Variants in R3HDM1 observed in about 807,000 individuals in gnomAD.
R3HDM1 encodes the protein R3H domain containing 1, also known as R3H domain-containing protein 1.
In R3HDM1, 46 loss-of-function variants were observed where a neutral mutation model predicts 141.1. That is an observed-to-expected ratio of 0.33 (90% CI 0.26 to 0.42). The LOEUF is 0.42. Ranked by LOEUF, R3HDM1 falls within the 10% of genes least tolerant of loss-of-function variation. The pLI, the probability that R3HDM1 is intolerant of heterozygous loss-of-function variation, is 1.00. For synonymous variants in R3HDM1, 435 were observed against 472.9 expected, an observed-to-expected ratio of 0.92 and a Z score of 1.04; for missense variants, 1,184 against 1,368.3, an observed-to-expected ratio of 0.87 and a Z score of 2.12.
chr2:135,661,037 A>G (rs1350071189), intron 18 of R3HDM1, among the ~76,000 whole-genome samples: 2 of 152,196 alleles, frequency 1.3e-5, no homozygotes, highest in South Asian at 2.1e-4. Flanking sequence ...AGAGAGCTGA[A>G]GCAAATATGG....
rs531418828 is a variant in R3HDM1, at chr2:135,591,763, A to T, written c.-249-10737A>T. 2.6e-5 allele frequency among the ~76,000 whole-genome samples: 4 copies of T among 152,322 alleles called. No individual in the cohort carries two copies. The South Asian group carries it at 8.3e-4, about 32-fold the overall frequency. ...AAATTTGGAGGTTCCCTCAGACTTA[A>T]TTGACTAGAATAACTCAAATTACAC... On this transcript the variant is annotated intron_variant, in intron 1 of 26. Coordinates refer to ENST00000683871, the MANE Select transcript of R3HDM1 (RefSeq NM_001378107.1).
chr2:135,671,796 T>C (rs62168795), intron 19 of R3HDM1, among the ~76,000 whole-genome samples: 91,340 of 151,496 alleles, frequency 0.6, 32,950 homozygotes, highest in East Asian at 1. Flanking sequence ...GCCAACATGG[T>C]GAAACCCTGT....
In R3HDM1 at chr2:135,532,601, A is replaced by G. The variant is rs1441654069; in HGVS notation, c.-250+968A>G. Among the ~76,000 whole-genome samples, 4 of 152,156 alleles carry G rather than the reference A, an allele frequency of 2.6e-5. No individual in the cohort carries two copies. The South Asian group carries it at 6.2e-4, about 24-fold the overall frequency. Reference sequence around the variant, plus strand: ...TATCTTCATGGTTATAGTTTACCTAATTGTAACTGTAAGAAACCTTTTTTA... The same window carrying G: ...TATCTTCATGGTTATAGTTTACCTAGTTGTAACTGTAAGAAACCTTTTTTA... On this transcript the variant is annotated intron_variant, in intron 1 of 26. Transcript: ENST00000683871.
rs1198623555 is a variant in R3HDM1, at chr2:135,621,594, A to G, written c.404A>G (p.Lys135Arg). Residue 135 changes from lysine to arginine, a missense_variant, in exon 6 of 27, where the codon AAA becomes AGA. This residue lies in a region of R3HDM1 where 192 missense variants were observed against 215.7 expected (regional missense o/e 0.89). Coordinates refer to ENST00000683871, the MANE Select transcript of R3HDM1 (RefSeq NM_001378107.1). ...KEKASDKLPRKMLSRDSSQEY... is the reference protein window; with the variant it reads ...KEKASDKLPRRMLSRDSSQEY... ...AAGGCCAGTGATAAGTTGCCCAGAA[A>G]AATGTTATCAAGAGGTTTGCAGTTC... 1.3e-6 allele frequency: 2 copies of G among 1,591,100 alleles called. No homozygotes were observed. The highest frequency in any genetic ancestry group is 1.7e-6 in the Non-Finnish European group (2 of 1,170,086).
At chr2:135,536,823 C>T (rs564718001) in intron 1 of R3HDM1, 1 of 577,856 alleles carries the variant, frequency 1.7e-6, no homozygotes, top group Non-Finnish European at 2.2e-6. Context: ...AGCTCTGCCT[C>T]CTGTCAGATC....
At chr2:135,537,277 CTTTTTTTTTTTTTTT>C (rs1036767352) in intron 1 of R3HDM1, among the ~76,000 whole-genome samples, 1 of 84,446 alleles carries the variant, frequency 1.2e-5, no homozygotes, top group African/African-American at 5.4e-5. Context: ...ATTAGTCTGT[CTTTTTTTTTTTTTTT>C]TTTTTTTTTT....
intron 17 of R3HDM1, chr2:135,650,810 C>G: frequency 1.0e-6 from 1 of 984,182 alleles, no homozygotes; most frequent in African/African-American, 1.7e-5. Flanking sequence ...TCCAGCAGAT[C>G]TAGAAACTGC....
chr2:135,582,799 C>A (rs1707113678), intron 1 of R3HDM1, among the ~76,000 whole-genome samples: 1 of 151,844 alleles, frequency 6.6e-6, no homozygotes, highest in African/African-American at 2.4e-5. Context: ...TGGTCTCCTT[C>A]TGCCCCTGTA....
intron 1 of R3HDM1, among the ~76,000 whole-genome samples, chr2:135,548,073 A>T (rs575779087): frequency 6.6e-6 from 1 of 152,208 alleles, no homozygotes; most frequent in African/African-American, 2.4e-5. Context: ...CCCCAGCCTG[A>T]AGTCTTTTTT....
chr2:135,553,909 C>A (rs979590305), intron 1 of R3HDM1, among the ~76,000 whole-genome samples: 2 of 152,212 alleles, frequency 1.3e-5, no homozygotes, highest in African/African-American at 4.8e-5. Context: ...AGGCTGGTCT[C>A]GAACTTCTGA....
intron 2 of R3HDM1, 118 bp from the exon 3 acceptor site, chr2:135,604,688 G>C: frequency 1.4e-6 from 1 of 734,462 alleles, no homozygotes; most frequent in Non-Finnish European, 2.2e-6. Flanking sequence ...TTGAAATCAA[G>C]AATTTTGTTC....
chr2:135,629,447 A>G (rs2062410762), intron 7 of R3HDM1, among the ~76,000 whole-genome samples: 1 of 152,248 alleles, frequency 6.6e-6, no homozygotes, highest in Non-Finnish European at 1.5e-5. Context: ...AAACAAAAAG[A>G]ATACTAAAAG....
At chr2:135,669,362 T>C in intron 19 of R3HDM1, 3 of 985,366 alleles carry the variant, frequency 3.0e-6, no homozygotes, top group Non-Finnish European at 3.6e-6. Context: ...GATTCCTATT[T>C]TGAATAACAT....
intron 1 of R3HDM1, among the ~76,000 whole-genome samples, chr2:135,575,974 A>G (rs1573987424): frequency 6.6e-6 from 1 of 152,218 alleles, no homozygotes. Flanking sequence ...GACTAGCTCT[A>G]CCAGACATTA....
In R3HDM1 at chr2:135,602,513, A is replaced by G. The variant is rs886234593; in HGVS notation, c.-236A>G. The G allele has an allele frequency of 5.3e-6, 7 of 1,310,626 alleles. No individual in the cohort carries two copies. The highest frequency in any genetic ancestry group is 6.8e-6 in the Non-Finnish European group (7 of 1,022,910). 81.2% of individuals were successfully genotyped at this position (1,310,626 alleles called of 1,614,324 possible). A position where few individuals can be genotyped will look rare whatever the true frequency, so the allele number is the denominator to read the frequency against. ...TTTTCATTTTAGGCCACGGAAAGGTATGATATATTTGATCCAAGACAGTCC... is the reference window on the plus strand; with the variant it reads ...TTTTCATTTTAGGCCACGGAAAGGTGTGATATATTTGATCCAAGACAGTCC... On this transcript the variant is annotated 5_prime_UTR_variant, in exon 2 of 27. The change abolishes an upstream ATG in the 5' untranslated region. Transcript: ENST00000683871.
intron 23 of R3HDM1, among the ~76,000 whole-genome samples, chr2:135,712,471 C>A (rs898705596): frequency 6.8e-6 from 1 of 147,020 alleles, no homozygotes; most frequent in Non-Finnish European, 1.5e-5. Context: ...GGGGTATTGC[C>A]GTGTTGCCCA....
intron 20 of R3HDM1, among the ~76,000 whole-genome samples, chr2:135,676,764 T>A (rs2069243199): frequency 6.6e-6 from 1 of 152,152 alleles, no homozygotes; most frequent in Non-Finnish European, 1.5e-5. Context: ...TGAGCTGAGA[T>A]TACGCCACTG....
At chr2:135,665,889 C>T (rs56044408) in intron 19 of R3HDM1, among the ~76,000 whole-genome samples, 12 of 152,212 alleles carry the variant, frequency 7.9e-5, no homozygotes, top group Non-Finnish European at 1.6e-4. Context: ...TACTTGGTCT[C>T]GGTTCTTACC....
At chr2:135,590,565 T>A (rs1308728015) in intron 1 of R3HDM1, 1 of 985,348 alleles carries the variant, frequency 1.0e-6, no homozygotes, top group African/African-American at 1.7e-5. Context: ...ATTAAACCCA[T>A]TGAATTTTTG....
Sources: allele counts gnomAD v4.1 joint callset (sites outside exome capture counted in the v4.1 genomes callset), GRCh38; gene constraint gnomAD v4.1.1; regional missense constraint gnomAD v4.1.1; transcripts MANE v1.5; gene names NCBI Gene and HGNC (gene_info 2026-07-23, HGNC 2026-07-21).